Variants in TRIM44 observed in about 807,000 individuals in gnomAD.
The protein encoded by TRIM44 is tripartite motif containing 44.
TRIM44 carries 13 observed loss-of-function variants against 37.4 expected under a neutral mutation model. The observed-to-expected ratio is 0.35, with a 90% CI of 0.23 to 0.55. The LOEUF is 0.55. Ranked by LOEUF, TRIM44 falls within the 20% of genes least tolerant of loss-of-function variation. The pLI is 0.89. For synonymous variants in TRIM44, 175 were observed against 157.2 expected (o/e 1.11, Z -0.85); for missense variants, 426 against 437.2 (o/e 0.97, Z 0.23).
At position 35,816,234 on chromosome 11, in the gene TRIM44, G is replaced by A. The variant is rs750394406; in HGVS notation, c.*9849G>A. The A allele has an allele frequency of 2.0e-5, 3 of 151,924 alleles. No individual in the cohort carries two copies. The highest frequency in any genetic ancestry group is 4.4e-5 in the Non-Finnish European group (3 of 68,018). 9.4% of individuals were successfully genotyped at this position (151,924 alleles called of 1,614,324 possible). A position where few individuals can be genotyped will look rare whatever the true frequency, so the allele number is the denominator to read the frequency against. On this transcript the variant is annotated 3_prime_UTR_variant, in exon 5 of 5. Transcript: ENST00000299413. ...TTTCTCAGCTTGGGTCATTCTTCAA[G>A]AGTAAGAAATTGAATTTGTGAGAAA...
chr11:35,774,338 G>A (rs971472084), intron 4 of TRIM44, among the ~76,000 whole-genome samples: 6 of 152,046 alleles, frequency 3.9e-5, no homozygotes, highest in Non-Finnish European at 8.8e-5. Context: ...TTGTAAATTT[G>A]TTTAACTTCT....
intron 4 of TRIM44, among the ~76,000 whole-genome samples, chr11:35,769,460 C>A (rs1434340199): frequency 6.6e-5 from 10 of 152,164 alleles, no homozygotes; most frequent in Admixed American, 5.9e-4. Flanking sequence ...AGCCTTGTTT[C>A]TTTTTAATTT....
rs1590514869 is a variant in TRIM44 at position 35,696,649 on chromosome 11, T to A, written c.747+11313T>A. On this transcript the variant is annotated intron_variant, in intron 2 of 4. Coordinates refer to ENST00000299413, the MANE Select transcript of TRIM44 (RefSeq NM_017583.6). ...GGATCACGAGGTCAAGAGATCAAGA[T>A]CATCCTGGCCAACGTGGTGAAACCC... is the stretch of plus-strand genomic sequence containing the variant. Among the ~76,000 whole-genome samples the A allele has an allele frequency of 1.3e-5, 2 of 151,144 alleles. 1 individual carries two copies. Among genetic ancestry groups the A allele is most frequent in the Admixed American group, 1.3e-4 (2 of 15,176 alleles).
At chr11:35,726,399 A>C (rs1008075922) in intron 3 of TRIM44, among the ~76,000 whole-genome samples, 2 of 152,220 alleles carry the variant, frequency 1.3e-5, no homozygotes, top group Non-Finnish European at 2.9e-5. Context: ...GTGGGGGCAG[A>C]TACTAATCAC....
At position 35,664,847 on chromosome 11, in the gene TRIM44, A is replaced by C. The variant is rs114835630; in HGVS notation, c.669+1067A>C. ...CCTTTTCCCCATACCTTTTCCAATT[A>C]TAACCATCTCTCTTCTGCATAAGTA... On this transcript the variant is annotated intron_variant, in intron 1 of 4. Transcript: ENST00000299413. 3.4e-3 allele frequency among the ~76,000 whole-genome samples: 521 copies of C among 152,356 alleles called. 2 individuals carry two copies. Among genetic ancestry groups the C allele is most frequent in the African/African-American group, 0.012 (493 of 41,582 alleles).
At chr11:35,792,077 A>AC (rs1853221090) in intron 4 of TRIM44, among the ~76,000 whole-genome samples, 1 of 14,262 alleles carries the variant, frequency 7.0e-5, no homozygotes, top group Non-Finnish European at 1.4e-3. Flanking sequence ...GCCCCTACAC[A>AC]CACACACACA....
At chr11:35,792,071 CTACACACACACACACACACA>C (rs1222218403) in intron 4 of TRIM44, among the ~76,000 whole-genome samples, 2 of 48,454 alleles carry the variant, frequency 4.1e-5, no homozygotes, top group Non-Finnish European at 7.5e-5. Context: ...GGAGTTGCCC[CTACACACACACACACACACA>C]CACACACACA....
At chr11:35,664,822 C>G (rs189315592) in intron 1 of TRIM44, among the ~76,000 whole-genome samples, 3 of 152,306 alleles carry the variant, frequency 2.0e-5, no homozygotes, top group Admixed American at 6.5e-5. Flanking sequence ...AATATTGAAG[C>G]CTTTTCCCCA....
intron 4 of TRIM44, among the ~76,000 whole-genome samples, chr11:35,785,731 T>C (rs1565026696): frequency 6.6e-6 from 1 of 152,236 alleles, no homozygotes; most frequent in Admixed American, 6.5e-5. Context: ...CTCTAGCAAA[T>C]GTGCCTTCAG....
At chr11:35,797,271 A>C (rs528004338) in intron 4 of TRIM44, among the ~76,000 whole-genome samples, 6 of 152,260 alleles carry the variant, frequency 3.9e-5, no homozygotes, top group Non-Finnish European at 8.8e-5. Context: ...AACCCAAAGA[A>C]TAAAATAAAC....
In TRIM44 at chr11:35,809,628, A is replaced by G. The variant is rs535430450; in HGVS notation, c.*3243A>G. The G allele has an allele frequency of 6.6e-6, 1 of 152,258 alleles. No individual in the cohort carries two copies. The highest frequency in any genetic ancestry group is 1.5e-5 in the Non-Finnish European group (1 of 68,016). The allele number at this position is 152,258 out of a possible 1,614,324, so 9.4% of individuals were successfully genotyped here. ...TATAGAACTTTGCAGCAGTAGTAAA[A>G]GTGAAGGGTGTTCTGCTCTCTACTC... On this transcript the variant is annotated 3_prime_UTR_variant, in exon 5 of 5. Coordinates refer to ENST00000299413, the MANE Select transcript of TRIM44 (RefSeq NM_017583.6).
chr11:35,700,289 T>C (rs565137111), intron 2 of TRIM44, among the ~76,000 whole-genome samples: 2 of 152,322 alleles, frequency 1.3e-5, no homozygotes, highest in East Asian at 3.9e-4. Flanking sequence ...TTAGTCAAGG[T>C]GTTCACACAC....
chr11:35,725,785 G>T, intron 2 of TRIM44, 139 bp from the exon 3 acceptor site: 1 of 881,130 alleles, frequency 1.1e-6, no homozygotes, highest in Non-Finnish European at 1.7e-6. Context: ...GGGGAACATT[G>T]TTTTTAGGAT....
chr11:35,785,110 A>G (rs904278148), intron 4 of TRIM44, among the ~76,000 whole-genome samples: 1 of 152,250 alleles, frequency 6.6e-6, no homozygotes, highest in African/African-American at 2.4e-5. Flanking sequence ...AGGAAATTCT[A>G]TAGAACCAAG....
intron 4 of TRIM44, among the ~76,000 whole-genome samples, chr11:35,789,125 C>T (rs1853167952): frequency 6.6e-6 from 1 of 152,130 alleles, no homozygotes; most frequent in African/African-American, 2.4e-5. Context: ...TGTCATTCCC[C>T]TCCTCCTACC....
chr11:35,705,732 A>G lies in TRIM44; in HGVS notation c.748-20192A>G, dbSNP rs1284281308. On this transcript the variant is annotated intron_variant, in intron 2 of 4. Coordinates refer to ENST00000299413, the MANE Select transcript of TRIM44 (RefSeq NM_017583.6). ...AAACCAACGAGAACAAAGACACAACATACCAGAATCTCTGGGACACATTCA... is the reference window on the plus strand; with the variant it reads ...AAACCAACGAGAACAAAGACACAACGTACCAGAATCTCTGGGACACATTCA... Among the ~76,000 whole-genome samples, 10 of 147,854 alleles carry G rather than the reference A, an allele frequency of 6.8e-5. 2 individuals carry two copies. Among genetic ancestry groups the G allele is most frequent in the Admixed American group, 2.0e-4 (3 of 14,696 alleles).
In TRIM44 at chr11:35,807,219, T is replaced by C. The variant is rs958680564; in HGVS notation, c.*834T>C. Reference sequence around the variant, plus strand: ...CAGGTTTTATGGGCTTGTCACAACGTGAAGGGCTGGAATGTATATTACCAA... The same window carrying C: ...CAGGTTTTATGGGCTTGTCACAACGCGAAGGGCTGGAATGTATATTACCAA... On this transcript the variant is annotated 3_prime_UTR_variant, in exon 5 of 5. Transcript: ENST00000299413. 6.6e-6 allele frequency: 1 copy of C among 152,194 alleles called. No individual in the cohort carries two copies. Among genetic ancestry groups the C allele is most frequent in the Non-Finnish European group, 1.5e-5 (1 of 68,034 alleles). 9.4% of individuals were successfully genotyped at this position (152,194 alleles called of 1,614,324 possible). A position where few individuals can be genotyped will look rare whatever the true frequency, so the allele number is the denominator to read the frequency against.
At chr11:35,729,861 C>A (rs1448976029) in intron 3 of TRIM44, among the ~76,000 whole-genome samples, 1 of 152,166 alleles carries the variant, frequency 6.6e-6, no homozygotes, top group Non-Finnish European at 1.5e-5. Context: ...CAATAAAAAT[C>A]TCAATTCTGT....
At chr11:35,792,072 TACACACACACACACACACAC>T (rs57127722) in intron 4 of TRIM44, among the ~76,000 whole-genome samples, 38,093 of 136,830 alleles carry the variant, frequency 0.28, 6,004 homozygotes, top group Middle Eastern at 0.46. Flanking sequence ...GAGTTGCCCC[TACACACACACACACACACAC>T]ACACACACAC....
Sources: allele counts gnomAD v4.1 joint callset (sites outside exome capture counted in the v4.1 genomes callset), GRCh38; gene constraint gnomAD v4.1.1; transcripts MANE v1.5; gene names NCBI Gene and HGNC (gene_info 2026-07-23, HGNC 2026-07-21).